ATP8A1: variants seen among roughly 807,000 people sequenced by gnomAD.
The protein encoded by ATP8A1 is ATPase phospholipid transporting 8A1.
ATP8A1 carries 90 observed loss-of-function variants against 177.7 expected under a neutral mutation model. That is an observed-to-expected ratio of 0.51 (90% CI 0.43 to 0.60). ATP8A1 has a LOEUF of 0.60. Among genes scored for constraint, ATP8A1 ranks in the 20% least tolerant of loss-of-function variants. The probability of loss-of-function intolerance (pLI) is 0.00; values close to 1 mark genes in which losing one functional copy is unlikely to be tolerated. For synonymous variants in ATP8A1, 493 were observed against 485.9 expected (o/e 1.01, Z -0.19); for missense variants, 1,072 against 1,392.8 (o/e 0.77, Z 3.67).
intron 21 of ATP8A1, among the ~76,000 whole-genome samples, chr4:42,523,239 G>A (rs569563392): frequency 6.6e-6 from 1 of 152,156 alleles, no homozygotes; most frequent in African/African-American, 2.4e-5. Context: ...AGCCAGAAAA[G>A]AGTAGATGCA....
rs1372572726 is a variant in ATP8A1, at chr4:42,468,454, G to GAC, written c.2325-3380_2325-3379dup. On this transcript the variant is annotated intron_variant, in intron 25 of 36. Coordinates refer to ENST00000381668, the MANE Select transcript of ATP8A1 (RefSeq NM_006095.2). ...ATACACACACACACACACACACACA[G>GAC]ACACACACATACACATATATGAATG... Among the ~76,000 whole-genome samples the GAC allele has an allele frequency of 4.7e-4, 45 of 94,768 alleles. No homozygotes were observed. In the East Asian group the frequency reaches 0.01, roughly 21 times the overall value. The allele number at this position is 94,768 out of a possible 152,430, so 62.2% of individuals were successfully genotyped here. A position where few individuals can be genotyped will look rare whatever the true frequency, so the allele number is the denominator to read the frequency against.
chr4:42,493,247 A>G (rs1456244089), intron 24 of ATP8A1, among the ~76,000 whole-genome samples: 1 of 152,218 alleles, frequency 6.6e-6, no homozygotes, highest in Admixed American at 6.5e-5. Context: ...AACATACCCT[A>G]TGGCTCAGAA....
At chr4:42,549,881 A>AT (rs1161417481) in intron 18 of ATP8A1, among the ~76,000 whole-genome samples, 1 of 152,218 alleles carries the variant, frequency 6.6e-6, no homozygotes, top group African/African-American at 2.4e-5. Context: ...TCAGCTATGA[A>AT]TACTGTACAG....
intron 7 of ATP8A1, 66 bp from the exon 8 acceptor site, chr4:42,588,395 T>A: frequency 7.5e-7 from 1 of 1,340,112 alleles, no homozygotes; most frequent in Non-Finnish European, 1.1e-6. Context: ...ATAACTTATT[T>A]AAATGCTCAG....
chr4:42,514,199 C>T (rs566955551), intron 22 of ATP8A1, among the ~76,000 whole-genome samples: 1 of 152,292 alleles, frequency 6.6e-6, no homozygotes, highest in South Asian at 2.1e-4. Context: ...ATAGAAATCA[C>T]ATTTGAACTC....
At chr4:42,618,410 T>C (rs1286902111) in intron 4 of ATP8A1, among the ~76,000 whole-genome samples, 1 of 152,214 alleles carries the variant, frequency 6.6e-6, no homozygotes, top group African/African-American at 2.4e-5. Context: ...TCCACGATTA[T>C]ATCTGGTTGC....
At chr4:42,429,968 G>T (rs1169814465) in intron 33 of ATP8A1, among the ~76,000 whole-genome samples, 1 of 152,172 alleles carries the variant, frequency 6.6e-6, no homozygotes, top group Non-Finnish European at 1.5e-5. Context: ...GGGGTTAGGG[G>T]AAAAGGAGAA....
chr4:42,440,088 C>G, intron 33 of ATP8A1, among the ~76,000 whole-genome samples: 1 of 152,296 alleles, frequency 6.6e-6, no homozygotes, highest in African/African-American at 2.4e-5. Context: ...GCAAACACAA[C>G]GGAGTCTGCC....
chr4:42,646,089 G>T (rs1740502772), intron 1 of ATP8A1, among the ~76,000 whole-genome samples: 1 of 152,226 alleles, frequency 6.6e-6, no homozygotes, highest in Admixed American at 6.5e-5. Flanking sequence ...TCCTGCATGG[G>T]GCAACGATGT....
chr4:42,487,492 C>T (rs747048087), intron 24 of ATP8A1, among the ~76,000 whole-genome samples: 16 of 151,968 alleles, frequency 1.1e-4, no homozygotes, highest in Non-Finnish European at 2.4e-4. Context: ...GTTCTGAGTG[C>T]TAAGCCTACA....
At chr4:42,645,288 C>G (rs1740419941) in intron 1 of ATP8A1, among the ~76,000 whole-genome samples, 1 of 152,110 alleles carries the variant, frequency 6.6e-6, no homozygotes, top group Admixed American at 6.5e-5. Context: ...CTGGATGATA[C>G]ACAATTTACC....
chr4:42,468,803 C>G (rs1310217897), intron 25 of ATP8A1, among the ~76,000 whole-genome samples: 1 of 152,066 alleles, frequency 6.6e-6, no homozygotes, highest in Non-Finnish European at 1.5e-5. Context: ...CCCTCAAAAC[C>G]TATGGAAATA....
intron 15 of ATP8A1, among the ~76,000 whole-genome samples, chr4:42,565,903 T>C (rs1328239056): frequency 6.6e-6 from 1 of 152,226 alleles, no homozygotes; most frequent in Non-Finnish European, 1.5e-5. Flanking sequence ...ATCCAAAGTA[T>C]TGATACTATC....
intron 22 of ATP8A1, among the ~76,000 whole-genome samples, chr4:42,517,448 A>G (rs1175260049): frequency 6.6e-6 from 1 of 152,186 alleles, no homozygotes; most frequent in African/African-American, 2.4e-5. Context: ...AAAGAATGAG[A>G]CCACTGTAAA....
rs538213709 is a variant in ATP8A1, at chr4:42,514,307, G to A, written c.1948-7153C>T. Among the ~76,000 whole-genome samples, 4 of 152,216 alleles carry A rather than the reference G, an allele frequency of 2.6e-5. No individual in the cohort carries two copies. In the South Asian group the frequency reaches 8.3e-4, roughly 32 times the overall value. ...ATTGGGTGTAGCTTGCAAAAACAACGCATCCATCTTATCTGAGTGAGAAGA... is the reference window on the plus strand; with the variant it reads ...ATTGGGTGTAGCTTGCAAAAACAACACATCCATCTTATCTGAGTGAGAAGA... On this transcript the variant is annotated intron_variant, in intron 22 of 36. Transcript: ENST00000381668.
rs114464717 is a variant in ATP8A1, at chr4:42,516,095, T to G, written c.1947+6065A>C. Among the ~76,000 whole-genome samples, 665 of 152,334 alleles carry G rather than the reference T, an allele frequency of 4.4e-3. 3 individuals are homozygous for G. The highest frequency in any genetic ancestry group is 0.015 in the African/African-American group (638 of 41,564). ...CTGAATTAATTATTTAAATGAATAA[T>G]TCATTTATTCATCAAATATTTATTG... On this transcript the variant is annotated intron_variant, in intron 22 of 36. Transcript: ENST00000381668.
At chr4:42,436,209 A>G (rs1715977735) in intron 33 of ATP8A1, among the ~76,000 whole-genome samples, 1 of 152,134 alleles carries the variant, frequency 6.6e-6, no homozygotes, top group African/African-American at 2.4e-5. Context: ...TCTCTCGTTT[A>G]TGACATCAAT....
chr4:42,545,477 C>T (rs939044992), intron 19 of ATP8A1, among the ~76,000 whole-genome samples: 2 of 152,158 alleles, frequency 1.3e-5, no homozygotes, highest in East Asian at 1.9e-4. Context: ...AAAAGTTACC[C>T]GGCCATAGAG....
At chr4:42,614,806 T>A (rs1003904667) in intron 5 of ATP8A1, among the ~76,000 whole-genome samples, 9 of 152,166 alleles carry the variant, frequency 5.9e-5, no homozygotes, top group African/African-American at 2.2e-4. Flanking sequence ...CTTATTTTCC[T>A]GAAAAACCCC....
Sources: allele counts gnomAD v4.1 joint callset (sites outside exome capture counted in the v4.1 genomes callset), GRCh38; gene constraint gnomAD v4.1.1; transcripts MANE v1.5; gene names NCBI Gene and HGNC (gene_info 2026-07-23, HGNC 2026-07-21).